The following LHCGR variants were observed in gnomAD, a reference collection of about 807,000 sequenced individuals.
LHCGR encodes lutropin-choriogonadotropic hormone receptor.
In LHCGR, 55 loss-of-function variants were observed where a neutral mutation model predicts 60.7. The observed-to-expected ratio is 0.91, with a 90% CI of 0.73 to 1.13. LHCGR has a LOEUF of 1.13. LHCGR is among the 50% of genes most tolerant of loss of function. LHCGR has a pLI of 0.00. For missense variants in LHCGR, 862 were observed against 836.0 expected, an observed-to-expected ratio of 1.03 and a Z score of -0.38; for synonymous variants, 337 against 316.5, an observed-to-expected ratio of 1.06 and a Z score of -0.69.
chr2:48,731,481 G>A lies in LHCGR; in HGVS notation c.162-183C>T, dbSNP rs547508824. Among the ~76,000 whole-genome samples the A allele has an allele frequency of 1.1e-4, 16 of 152,234 alleles. 1 individual carries two copies. In the South Asian group the frequency reaches 3.3e-3, roughly 32 times the overall value. ...AGAGATGTGCCATGACTTATTCTTG[G>A]TCTTTATCAAAGAGTGTATAATTTT... On this transcript the variant is annotated intron_variant, in intron 1 of 10. Coordinates refer to ENST00000294954, the MANE Select transcript of LHCGR (RefSeq NM_000233.4).
intron 6 of LHCGR, among the ~76,000 whole-genome samples, chr2:48,722,786 T>C (rs1283642249): frequency 1.3e-5 from 2 of 152,168 alleles, no homozygotes; most frequent in Non-Finnish European, 2.9e-5. Flanking sequence ...GGTAGTTCTT[T>C]ATAGCAATGT....
At position 48,753,305 on chromosome 2, in the gene LHCGR, C is replaced by CAG; in HGVS notation, c.161+2205_161+2206insCT. ...CTCCCTTTGCTTAACATGCACCTCT[C>CAG]TTGTCATATGGATGTTGGTGTCACT... On this transcript the variant is annotated intron_variant, in intron 1 of 10. Transcript: ENST00000294954. Among the ~76,000 whole-genome samples the CAG allele has an allele frequency of 4.6e-5, 7 of 152,338 alleles. 1 individual carries two copies. Among genetic ancestry groups the CAG allele is most frequent in the Admixed American group, 4.6e-4 (7 of 15,310 alleles).
At chr2:48,695,110 A>G (rs1667053378) in intron 9 of LHCGR, among the ~76,000 whole-genome samples, 1 of 152,124 alleles carries the variant, frequency 6.6e-6, no homozygotes, top group Admixed American at 6.6e-5. Context: ...TGTTCTATTC[A>G]TGCCCTTTGC....
intron 6 of LHCGR, among the ~76,000 whole-genome samples, chr2:48,718,205 C>G (rs1558854804): frequency 1.3e-5 from 2 of 152,156 alleles, no homozygotes; most frequent in Non-Finnish European, 2.9e-5. Flanking sequence ...CCTCCCCCAA[C>G]TTCTCTATTA....
chr2:48,748,234 T>C (rs1669798468), intron 1 of LHCGR, among the ~76,000 whole-genome samples: 1 of 152,174 alleles, frequency 6.6e-6, no homozygotes, highest in African/African-American at 2.4e-5. Flanking sequence ...AGGGCAGAGA[T>C]GGTATCTTTG....
intron 1 of LHCGR, among the ~76,000 whole-genome samples, chr2:48,733,821 G>C (rs920737208): frequency 5.9e-5 from 9 of 152,152 alleles, no homozygotes; most frequent in Non-Finnish European, 1.2e-4. Flanking sequence ...ATGGGTAGCA[G>C]TTCCTAAGCA....
At position 48,694,223 on chromosome 2, in the gene LHCGR, C is replaced by G; in HGVS notation, c.947+1G>C. 1 of 1,519,912 alleles carries G rather than the reference C, an allele frequency of 6.6e-7. No individual in the cohort carries two copies. The highest frequency in any genetic ancestry group is 1.1e-5 in the South Asian group (1 of 87,312). 94.2% of individuals were successfully genotyped at this position (1,519,912 alleles called of 1,614,324 possible). ...GAGTTTCCTTGCATGCAAATACTTA[C>G]AGTGTTTTGTTATTCACTTTCCTTA... On this transcript the variant is annotated splice_donor_variant, in intron 10 of 10. Coordinates refer to ENST00000294954, the MANE Select transcript of LHCGR (RefSeq NM_000233.4). LOFTEE classifies it high-confidence loss of function.
At chr2:48,750,132 A>G (rs1027946393) in intron 1 of LHCGR, among the ~76,000 whole-genome samples, 1 of 151,940 alleles carries the variant, frequency 6.6e-6, no homozygotes, top group Non-Finnish European at 1.5e-5. Flanking sequence ...TAATTCTGAG[A>G]TTTTTTGGCT....
chr2:48,698,494 C>A, intron 9 of LHCGR, 121 bp downstream of exon 9: 1 of 775,830 alleles, frequency 1.3e-6, no homozygotes, highest in East Asian at 2.6e-5. Flanking sequence ...GACCCCATGT[C>A]TACGGAGCTG....
rs1325161582 is a variant in LHCGR, at chr2:48,723,680, C to T, written c.400G>A (p.Gly134Ser). 1 of 1,613,348 alleles carries T rather than the reference C, an allele frequency of 6.2e-7. No homozygotes were observed. The highest frequency in any genetic ancestry group is 2.2e-5 in the East Asian group (1 of 44,856). ...GTAACATCTGGAAACTTTCTGATGCCTGTGTTACAGATGCTCCTGTGATTA... is the reference window on the plus strand; with the variant it reads ...GTAACATCTGGAAACTTTCTGATGCTTGTGTTACAGATGCTCCTGTGATTA... Reference protein sequence around the residue: ...RLKYLSICNTGIRKFPDVTKV... With the variant: ...RLKYLSICNTSIRKFPDVTKV... The change falls in exon 5 of 11, where the codon GGC becomes AGC. Residue 134 changes from glycine (G) to serine (S), a missense_variant. Transcript: ENST00000294954.
At chr2:48,743,167 C>G (rs921808144) in intron 1 of LHCGR, among the ~76,000 whole-genome samples, 2 of 152,142 alleles carry the variant, frequency 1.3e-5, no homozygotes, top group Non-Finnish European at 2.9e-5. Flanking sequence ...TCTGAATAGA[C>G]CAATAACAGG....
chr2:48,696,832 C>CA (rs11411318), intron 9 of LHCGR, among the ~76,000 whole-genome samples: 79,358 of 151,968 alleles, frequency 0.52, 22,570 homozygotes, highest in East Asian at 0.93. Context: ...TTTCACATGC[C>CA]AGTGATTTCA....
chr2:48,724,994 G>C (rs961851463), intron 4 of LHCGR, among the ~76,000 whole-genome samples: 5 of 152,070 alleles, frequency 3.3e-5, no homozygotes, highest in Non-Finnish European at 7.4e-5. Flanking sequence ...TCTGTTTTAG[G>C]GAGACGCAAA....
Position 48,731,385 on chromosome 2 carries a change from G to T in LHCGR, c.162-87C>A, listed in dbSNP as rs537067291. The T allele has an allele frequency of 1.4e-5, 12 of 875,788 alleles. No homozygotes were observed. The South Asian group carries it at 1.5e-4, about 11-fold the overall frequency. The allele number at this position is 875,788 out of a possible 1,614,324, so 54.3% of individuals were successfully genotyped here. A position where few individuals can be genotyped will look rare whatever the true frequency, so the allele number is the denominator to read the frequency against. ...ATGAATAAAATGGGTATGTGTATGT[G>T]TGTGAGAGACAGAGACTTCAGAGTT... On this transcript the variant is annotated intron_variant, in intron 1 of 10. Transcript: ENST00000294954.
chr2:48,749,194 G>T (rs1669843590), intron 1 of LHCGR, among the ~76,000 whole-genome samples: 1 of 152,232 alleles, frequency 6.6e-6, no homozygotes, highest in South Asian at 2.1e-4. Context: ...ATAGAGAGCA[G>T]CTGTGAGTGG....
At chr2:48,715,840 C>G (rs1263837681) in intron 6 of LHCGR, among the ~76,000 whole-genome samples, 1 of 152,160 alleles carries the variant, frequency 6.6e-6, no homozygotes, top group Non-Finnish European at 1.5e-5. Context: ...ATTCTTAAGT[C>G]TCCTCGTTAG....
chr2:48,711,768 A>C lies in LHCGR; in HGVS notation c.605+2218T>G, dbSNP rs142633248. ...CCCCTGTTCAGGTGACCTCAGCCAC[A>C]CAGGACTTCAGCTATCCCCTCTATT... On this transcript the variant is annotated intron_variant, in intron 7 of 10. Transcript: ENST00000294954. Among the ~76,000 whole-genome samples, 3 of 152,298 alleles carry C rather than the reference A, an allele frequency of 2.0e-5. No homozygotes were observed. In the East Asian group the frequency reaches 5.8e-4, roughly 29 times the overall value.
chr2:48,722,404 T>C (rs1234479027), intron 6 of LHCGR, among the ~76,000 whole-genome samples: 1 of 152,232 alleles, frequency 6.6e-6, no homozygotes, highest in Non-Finnish European at 1.5e-5. Flanking sequence ...GGATATGGTT[T>C]AGATCTGTGT....
chr2:48,709,617 T>C (rs1373826402), intron 7 of LHCGR, among the ~76,000 whole-genome samples: 2 of 152,194 alleles, frequency 1.3e-5, no homozygotes, highest in East Asian at 3.9e-4. Context: ...GCAGTGTAAA[T>C]GATCATCGCC....
Sources: gnomAD v4.1 joint callset for allele counts (sites outside exome capture counted in the v4.1 genomes callset) on GRCh38, gnomAD v4.1.1 for gene constraint, MANE v1.5 for transcripts, NCBI Gene and HGNC (gene_info 2026-07-23, HGNC 2026-07-21) for gene names.